The following LAMA2 variants were observed in gnomAD, a reference collection of about 807,000 sequenced individuals.
The protein encoded by LAMA2 is laminin subunit alpha-2.
LAMA2 carries 269 observed loss-of-function variants against 364.8 expected under a neutral mutation model. The ratio of observed to expected loss-of-function variants is 0.74; its 90% CI spans 0.67 to 0.82. The LOEUF (loss-of-function observed/expected upper bound fraction) is 0.82. LAMA2 is among the 40% of genes least tolerant of loss of function. The pLI is 0.00. For missense variants in LAMA2, 3,807 were observed against 3,873.2 expected, an observed-to-expected ratio of 0.98 and a Z score of 0.45; for synonymous variants, 1,379 against 1,370.6, an observed-to-expected ratio of 1.01 and a Z score of -0.14.
chr6:129,315,341 G>A, intron 24 of LAMA2, 135 bp from the exon 25 acceptor site: 4 of 746,808 alleles, frequency 5.4e-6, no homozygotes, highest in East Asian at 5.3e-5. Flanking sequence ...CCCACTGCGT[G>A]TGAGTTCTGT....
chr6:129,413,464 A>G (rs1780636911), intron 40 of LAMA2, among the ~76,000 whole-genome samples: 1 of 152,126 alleles, frequency 6.6e-6, no homozygotes, highest in Non-Finnish European at 1.5e-5. Flanking sequence ...CAACTAGATA[A>G]TTAATTCTAC....
At position 129,492,501 on chromosome 6, in the gene LAMA2, C is replaced by T. The variant is rs771888622; in HGVS notation, c.8244+18C>T. The T allele has an allele frequency of 1.2e-6, 2 of 1,604,444 alleles. No homozygotes were observed. The highest frequency in any genetic ancestry group is 4.5e-5 in the East Asian group (2 of 44,770). On this transcript the variant is annotated intron_variant, in intron 58 of 64. Coordinates refer to ENST00000421865, the MANE Select transcript of LAMA2 (RefSeq NM_000426.4). Reference sequence around the variant, plus strand: ...TGACACATGTAAGTGTTTATATTATCCCCATTGCTTTCTAATTTTTACCCA... The same window carrying T: ...TGACACATGTAAGTGTTTATATTATTCCCATTGCTTTCTAATTTTTACCCA...
intron 3 of LAMA2, among the ~76,000 whole-genome samples, chr6:129,062,649 A>C (rs143197336): frequency 1.3e-5 from 2 of 152,316 alleles, no homozygotes; most frequent in East Asian, 3.9e-4. Flanking sequence ...GGTTATTCAA[A>C]ATAAGATGAG....
intron 32 of LAMA2, among the ~76,000 whole-genome samples, chr6:129,357,751 A>G (rs1430516546): frequency 6.6e-6 from 1 of 152,010 alleles, no homozygotes; most frequent in Non-Finnish European, 1.5e-5. Context: ...CAAAGATCTG[A>G]TCACAATAAT....
intron 35 of LAMA2, among the ~76,000 whole-genome samples, chr6:129,389,741 G>T (rs1779215331): frequency 6.6e-6 from 1 of 152,194 alleles, no homozygotes; most frequent in South Asian, 2.1e-4. Flanking sequence ...GAAAGAGAGA[G>T]AATGAAAGGG....
chr6:129,512,452 CA>C lies in LAMA2; in HGVS notation c.8953del (p.Met2985TrpfsTer8). On this transcript the variant is annotated frameshift_variant, in exon 63 of 65. Transcript: ENST00000421865. LOFTEE classifies it high-confidence loss of function. The part of the protein sequence containing the change: ...TTGVLLGISS[Q>X]KMDGMGIEMI... ...TGGAGTTCTTCTGGGGATCAGTAGT[CA>C]AAAAATGGATGGAATGGGTATTGAA... The C allele has an allele frequency of 6.2e-7, 1 of 1,613,416 alleles. No homozygotes were observed. Among genetic ancestry groups the C allele is most frequent in the Non-Finnish European group, 8.5e-7 (1 of 1,179,602 alleles).
intron 17 of LAMA2, among the ~76,000 whole-genome samples, chr6:129,276,071 T>A (rs1788303814): frequency 6.6e-6 from 1 of 152,124 alleles, no homozygotes; most frequent in Admixed American, 6.6e-5. Context: ...CAGAAATTTA[T>A]GACGCTAACA....
At chr6:129,485,653 C>G (rs1657970350) in intron 55 of LAMA2, among the ~76,000 whole-genome samples, 1 of 152,084 alleles carries the variant, frequency 6.6e-6, no homozygotes. Context: ...TTGTGTTTTC[C>G]CTTTGACAGA....
At chr6:129,177,925 T>G (rs1780707931) in intron 10 of LAMA2, 59 bp downstream of exon 10, 1 of 1,540,786 alleles carries the variant, frequency 6.5e-7, no homozygotes, top group Non-Finnish European at 9.0e-7. Context: ...TTTTCTTGGC[T>G]TCTCTGTTGA....
chr6:129,077,247 G>T (rs879667510), intron 3 of LAMA2, among the ~76,000 whole-genome samples: 1 of 151,926 alleles, frequency 6.6e-6, no homozygotes, highest in Non-Finnish European at 1.5e-5. Context: ...TCATTGTGAA[G>T]AATAATTTAT....
At chr6:128,914,511 G>C (rs1015100258) in intron 1 of LAMA2, among the ~76,000 whole-genome samples, 3 of 151,998 alleles carry the variant, frequency 2.0e-5, no homozygotes, top group Non-Finnish European at 4.4e-5. Context: ...TATAGCTCCC[G>C]GGCCCAGTAC....
chr6:129,516,218 C>T lies in LAMA2; in HGVS notation c.9240C>T (p.Thr3080=). The T allele has an allele frequency of 6.2e-7, 1 of 1,614,098 alleles. No individual in the cohort carries two copies. Among genetic ancestry groups the T allele is most frequent in the Middle Eastern group, 1.6e-4 (1 of 6,062 alleles). The change falls in exon 65 of 65, where the codon ACC becomes ACT. Residue 3080 remains threonine (T), a synonymous_variant. Transcript: ENST00000421865. ...PDDLKQFGLT[T]SIPFRGCIRS... is the part of the protein sequence containing the mutation. ...ACCTCAAGCAGTTTGGCCTAACAAC[C>T]AGTATTCCGTTCCGAGGTTGCATCA...
intron 12 of LAMA2, among the ~76,000 whole-genome samples, chr6:129,218,908 C>T (rs540450498): frequency 6.6e-6 from 1 of 152,204 alleles, no homozygotes; most frequent in South Asian, 2.1e-4. Flanking sequence ...ATATGTAAAA[C>T]CTGAAACTTT....
intron 1 of LAMA2, among the ~76,000 whole-genome samples, chr6:128,894,507 G>C (rs1428679179): frequency 1.3e-5 from 2 of 152,056 alleles, no homozygotes; most frequent in Non-Finnish European, 2.9e-5. Context: ...AAACAAATGA[G>C]TCTTAAAAAC....
At chr6:129,018,566 C>T (rs889842673) in intron 1 of LAMA2, among the ~76,000 whole-genome samples, 3 of 150,870 alleles carry the variant, frequency 2.0e-5, no homozygotes, top group Non-Finnish European at 4.4e-5. Flanking sequence ...ATTTAAACTA[C>T]CCCTCTTGAG....
chr6:129,049,826 C>T (rs117818596), intron 1 of LAMA2, 92 bp from the exon 2 acceptor site: 16,324 of 1,179,118 alleles, frequency 0.014, 131 homozygotes, highest in Non-Finnish European at 0.017. Flanking sequence ...TTTAATGCTC[C>T]GAAAAATATT....
At chr6:129,297,148 A>G (rs985801559) in intron 20 of LAMA2, among the ~76,000 whole-genome samples, 23 of 152,214 alleles carry the variant, frequency 1.5e-4, no homozygotes, top group African/African-American at 5.1e-4. Flanking sequence ...TGAAAATTAT[A>G]TTTATAATGT....
rs566008145 is a variant in LAMA2 at position 129,366,291 on chromosome 6, A to G, written c.4790A>G (p.Asn1597Ser). The change falls in exon 33 of 65, where the codon AAC becomes AGC. Residue 1597 changes from asparagine to serine, a missense_variant. Asn to Ser is a conservative substitution (Grantham distance 46). This residue lies in a region of LAMA2 where 3,333 missense variants were observed against 3,345.7 expected (regional missense o/e 1.00). Transcript: ENST00000421865. ...ARLEQMVMSI[N>S]LTGPLPAPYK... The stretch of plus-strand genomic sequence containing the variant: ...CTGGAGCAGATGGTCATGAGCATCA[A>G]CCTCACTGGTCCGCTGCCTGCGCCA... 5 of 1,613,712 alleles carry G rather than the reference A, an allele frequency of 3.1e-6. No homozygotes were observed. The highest frequency in any genetic ancestry group is 3.3e-5 in the Admixed American group (2 of 59,972).
At chr6:129,075,637 G>A (rs1773585771) in intron 3 of LAMA2, among the ~76,000 whole-genome samples, 1 of 152,246 alleles carries the variant, frequency 6.6e-6, no homozygotes. Context: ...GGCATCACCC[G>A]AATTGATGGT....
Sources: gnomAD v4.1 joint callset for allele counts (sites outside exome capture counted in the v4.1 genomes callset) on GRCh38, gnomAD v4.1.1 for gene constraint, gnomAD v4.1.1 regional missense constraint, MANE v1.5 for transcripts, NCBI Gene and HGNC (gene_info 2026-07-23, HGNC 2026-07-21) for gene names.